The following CNTLN variants were observed in gnomAD, a reference collection of about 807,000 sequenced individuals.
CNTLN encodes the protein centlein, centrosomal protein.
In CNTLN, 212 loss-of-function variants were observed where a neutral mutation model predicts 180.0. That is an observed-to-expected ratio of 1.18 (90% CI 1.05 to 1.32). The LOEUF is 1.32. Ranked by LOEUF, CNTLN falls within the 40% of genes most tolerant of loss-of-function variation. CNTLN has a pLI of 0.00. For synonymous variants in CNTLN, 722 were observed against 563.1 expected, an observed-to-expected ratio of 1.28 and a Z score of -3.99; for missense variants, 2,095 against 1,610.9, an observed-to-expected ratio of 1.30 and a Z score of -5.14.
chr9:17,189,649 A>C (rs1194749085), intron 2 of CNTLN, among the ~76,000 whole-genome samples: 1 of 149,742 alleles, frequency 6.7e-6, no homozygotes, highest in Non-Finnish European at 1.5e-5. Context: ...ACACCTGACT[A>C]ATTTTTTTTG....
chr9:17,246,019 C>T (rs988881102), intron 5 of CNTLN, among the ~76,000 whole-genome samples: 2 of 152,092 alleles, frequency 1.3e-5, no homozygotes, highest in African/African-American at 2.4e-5. Context: ...ATCTGTGTCT[C>T]TCCACGATTT....
intron 25 of CNTLN, among the ~76,000 whole-genome samples, chr9:17,499,915 A>G (rs1345481994): frequency 1.3e-5 from 2 of 152,184 alleles, no homozygotes; most frequent in African/African-American, 4.8e-5. Context: ...AATATTGTCA[A>G]TTGGTTCATA....
intron 12 of CNTLN, among the ~76,000 whole-genome samples, chr9:17,358,234 A>C (rs1332582019): frequency 6.6e-6 from 1 of 152,074 alleles, no homozygotes; most frequent in Non-Finnish European, 1.5e-5. Context: ...TCTTAGTGAT[A>C]GATACAAATA....
intron 18 of CNTLN, among the ~76,000 whole-genome samples, chr9:17,441,221 T>G (rs1830088959): frequency 1.3e-5 from 2 of 152,178 alleles, no homozygotes; most frequent in African/African-American, 4.8e-5. Flanking sequence ...AACTGAGTTC[T>G]TCAAGTTGAA....
At chr9:17,453,241 A>T (rs1830897676) in intron 18 of CNTLN, among the ~76,000 whole-genome samples, 1 of 152,074 alleles carries the variant, frequency 6.6e-6, no homozygotes, top group African/African-American at 2.4e-5. Flanking sequence ...TGAGCCCAGG[A>T]GTTTGAGGCT....
chr9:17,141,424 G>A (rs1039643036), intron 1 of CNTLN, among the ~76,000 whole-genome samples: 1 of 152,306 alleles, frequency 6.6e-6, no homozygotes, highest in East Asian at 1.9e-4. Context: ...CTATGTGAAA[G>A]TGTGATGGAT....
chr9:17,303,386 T>G (rs994266662), intron 7 of CNTLN, among the ~76,000 whole-genome samples: 1 of 152,214 alleles, frequency 6.6e-6, no homozygotes, highest in African/African-American at 2.4e-5. Context: ...TTCATTGCTC[T>G]CTTTTTGGTG....
chr9:17,345,982 A>G (rs1821849951), intron 12 of CNTLN, among the ~76,000 whole-genome samples: 1 of 152,154 alleles, frequency 6.6e-6, no homozygotes, highest in South Asian at 2.1e-4. Flanking sequence ...TTCTTTTAAA[A>G]TATCTGGATT....
intron 18 of CNTLN, among the ~76,000 whole-genome samples, chr9:17,440,588 C>A (rs866745925): frequency 7.1e-3 from 810 of 114,114 alleles, no homozygotes; most frequent in Middle Eastern, 0.015. Flanking sequence ...GACTCCGTCT[C>A]AAAAAAAAAA....
At chr9:17,343,514 T>A (rs920795822) in intron 12 of CNTLN, among the ~76,000 whole-genome samples, 1 of 152,178 alleles carries the variant, frequency 6.6e-6, no homozygotes, top group Non-Finnish European at 1.5e-5. Context: ...CATATGAGAT[T>A]TAAATGTTGT....
chr9:17,391,498 C>T (rs990427975), intron 14 of CNTLN, among the ~76,000 whole-genome samples: 1 of 152,028 alleles, frequency 6.6e-6, no homozygotes, highest in African/African-American at 2.4e-5. Context: ...ACTTGGCAAG[C>T]CAAAGTGACA....
chr9:17,278,904 T>C (rs1291761542), intron 6 of CNTLN, among the ~76,000 whole-genome samples: 1 of 152,142 alleles, frequency 6.6e-6, no homozygotes, highest in Non-Finnish European at 1.5e-5. Flanking sequence ...AAAGGGACTA[T>C]ATTGCACATG....
intron 5 of CNTLN, among the ~76,000 whole-genome samples, chr9:17,249,762 T>G (rs1416009845): frequency 2.0e-5 from 3 of 151,796 alleles, no homozygotes; most frequent in Admixed American, 2.0e-4. Context: ...ATATTACTGT[T>G]TTAACATTTT....
downstream of CNTLN, among the ~76,000 whole-genome samples, chr9:17,508,079 C>T (rs1051958194): frequency 2.8e-4 from 42 of 152,134 alleles, no homozygotes; most frequent in African/African-American, 9.9e-4. Flanking sequence ...TGGGTTCATG[C>T]TCCACCCTGT....
chr9:17,236,552 G>T lies in CNTLN; in HGVS notation c.813G>T (p.Leu271Phe). The T allele has an allele frequency of 6.2e-7, 1 of 1,612,890 alleles. No homozygotes were observed. The highest frequency in any genetic ancestry group is 1.1e-5 in the South Asian group (1 of 90,962). The change falls in exon 5 of 26, where the codon TTG becomes TTT. Residue 271 changes from leucine to phenylalanine, a missense_variant. Leu to Phe is a conservative substitution (Grantham distance 22, BLOSUM62 0). Coordinates refer to ENST00000380647, the MANE Select transcript of CNTLN (RefSeq NM_017738.4). Reference protein sequence around the residue: ...LEKLRKQEAHLRKEKYSTDAK... With the variant: ...LEKLRKQEAHFRKEKYSTDAK... ...AATTGAGGAAGCAGGAAGCACATTTGAGAAAAGAAAAATATAGCACTGATG... is the reference window on the plus strand; with the variant it reads ...AATTGAGGAAGCAGGAAGCACATTTTAGAAAAGAAAAATATAGCACTGATG...
Position 17,309,057 on chromosome 9 carries a change from G to T in CNTLN, c.1147-1G>T. On this transcript the variant is annotated splice_acceptor_variant, in intron 7 of 25. Transcript: ENST00000380647. LOFTEE classifies it high-confidence loss of function. ...TAATTTGGATATATTTTTTGAAACA[G>T]CTTTACAATGAGTTACATATTTGTT... The T allele has an allele frequency of 3.8e-6, 6 of 1,568,426 alleles. No homozygotes were observed. Among genetic ancestry groups the T allele is most frequent in the Non-Finnish European group, 5.2e-6 (6 of 1,162,620 alleles).
chr9:17,143,269 T>C lies in CNTLN; in HGVS notation c.361-19T>C, dbSNP rs1818228037. On this transcript the variant is annotated intron_variant, in intron 1 of 25. Coordinates refer to ENST00000380647, the MANE Select transcript of CNTLN (RefSeq NM_017738.4). ...CCACTACAAAGCAATGCATCTAAAT[T>C]CTCTTTTATTTCTTTAAGGCTGATA... is the stretch of plus-strand genomic sequence containing the variant. The C allele has an allele frequency of 6.3e-7, 1 of 1,580,218 alleles. No individual in the cohort carries two copies. The highest frequency in any genetic ancestry group is 2.2e-5 in the East Asian group (1 of 44,604).
intron 12 of CNTLN, among the ~76,000 whole-genome samples, chr9:17,347,155 C>T (rs1171947736): frequency 6.6e-6 from 1 of 152,102 alleles, no homozygotes; most frequent in African/African-American, 2.4e-5. Flanking sequence ...GCATTTTAAT[C>T]ATGGCTGGTT....
chr9:17,420,135 G>T (rs1828597144), intron 18 of CNTLN, among the ~76,000 whole-genome samples: 1 of 152,110 alleles, frequency 6.6e-6, no homozygotes, highest in Admixed American at 6.5e-5. Context: ...GGGTGGTCTT[G>T]AACTCCTAAC....
Sources: gnomAD v4.1 joint callset for allele counts (sites outside exome capture counted in the v4.1 genomes callset) on GRCh38, gnomAD v4.1.1 for gene constraint, MANE v1.5 for transcripts, NCBI Gene and HGNC (gene_info 2026-07-23, HGNC 2026-07-21) for gene names.